Variants in CMTM8 observed in about 807,000 individuals in gnomAD.
CMTM8 encodes CKLF like MARVEL transmembrane domain containing 8, also known as CKLF-like MARVEL transmembrane domain-containing protein 8.
CMTM8 carries 12 observed loss-of-function variants against 18.6 expected under a neutral mutation model. That is an observed-to-expected ratio of 0.65 (90% CI 0.41 to 1.05). CMTM8 has a LOEUF of 1.05. Among genes scored for constraint, CMTM8 ranks in the 50% least tolerant of loss-of-function variants. The pLI is 0.00. For synonymous variants in CMTM8, 87 were observed against 90.6 expected, an observed-to-expected ratio of 0.96 and a Z score of 0.23; for missense variants, 217 against 227.2, an observed-to-expected ratio of 0.95 and a Z score of 0.29.
At chr3:32,321,326 G>A (rs1371632733) in intron 1 of CMTM8, among the ~76,000 whole-genome samples, 3 of 152,128 alleles carry the variant, frequency 2.0e-5, no homozygotes, top group Non-Finnish European at 2.9e-5. Flanking sequence ...GGGCAGGAAC[G>A]CATTCACCCG....
At position 32,353,783 on chromosome 3, in the gene CMTM8, A is replaced by AT. The variant is rs1386181699; in HGVS notation, c.148-3590_148-3589insT. On this transcript the variant is annotated intron_variant, in intron 1 of 3. Transcript: ENST00000307526. ...TCATTTCTTAATATACTTCTGTGTT[A>AT]ATTTTTTTTTTTTTTTTTTGAGACG... is the stretch of plus-strand genomic sequence containing the variant. 9.9e-3 allele frequency among the ~76,000 whole-genome samples: 1,266 copies of AT among 128,370 alleles called. 25 individuals carry two copies. Among genetic ancestry groups the AT allele is most frequent in the African/African-American group, 0.032 (1,209 of 37,350 alleles). 84.2% of individuals were successfully genotyped at this position (128,370 alleles called of 152,430 possible).
intron 1 of CMTM8, among the ~76,000 whole-genome samples, chr3:32,312,111 G>A (rs972918504): frequency 3.3e-5 from 5 of 152,196 alleles, no homozygotes; most frequent in Admixed American, 2.0e-4. Context: ...GGTATCCAGT[G>A]TATGGCATTG....
chr3:32,253,344 CTT>C (rs151296321), intron 1 of CMTM8, among the ~76,000 whole-genome samples: 8 of 132,106 alleles, frequency 6.1e-5, no homozygotes, highest in East Asian at 2.2e-4. Context: ...GTCCCTTTAT[CTT>C]TTTTTTTTTT....
At chr3:32,319,057 C>CATATATATATATATATATATAT in intron 1 of CMTM8, among the ~76,000 whole-genome samples, 1 of 45,884 alleles carries the variant, frequency 2.2e-5, no homozygotes, top group Non-Finnish European at 3.6e-5. Context: ...TGTGTATATA[C>CATATATATATATATATATATAT]ATATATATAT....
chr3:32,363,470 C>G (rs112592156), intron 2 of CMTM8, among the ~76,000 whole-genome samples: 4 of 152,262 alleles, frequency 2.6e-5, no homozygotes, highest in African/African-American at 4.8e-5. Context: ...GTCACCTGAC[C>G]ACATCTCCTT....
At chr3:32,245,159 C>T (rs1293841064) in intron 1 of CMTM8, among the ~76,000 whole-genome samples, 1 of 152,032 alleles carries the variant, frequency 6.6e-6, no homozygotes, top group Non-Finnish European at 1.5e-5. Context: ...CTTTGCAATC[C>T]CATTCCTGAG....
At chr3:32,254,749 A>C (rs1279315528) in intron 1 of CMTM8, among the ~76,000 whole-genome samples, 8 of 152,192 alleles carry the variant, frequency 5.3e-5, no homozygotes, top group African/African-American at 1.9e-4. Context: ...ATTGAGATAC[A>C]GTTTACATAC....
At chr3:32,257,064 T>A (rs1197862799) in intron 1 of CMTM8, among the ~76,000 whole-genome samples, 1 of 152,232 alleles carries the variant, frequency 6.6e-6, no homozygotes, top group Non-Finnish European at 1.5e-5. Flanking sequence ...CTCAGATCAC[T>A]GCAACCTCTG....
At chr3:32,260,124 TG>T in intron 1 of CMTM8, 1 of 1,071,138 alleles carries the variant, frequency 9.3e-7, no homozygotes, top group Non-Finnish European at 1.4e-6. Context: ...GGTGATGCCC[TG>T]GACAGCAGCA....
chr3:32,302,403 T>C (rs558009460), intron 1 of CMTM8, among the ~76,000 whole-genome samples: 3 of 152,354 alleles, frequency 2.0e-5, no homozygotes, highest in Admixed American at 2.0e-4. Context: ...TTTCTGCCTC[T>C]GTATGCTGTT....
chr3:32,341,523 A>G (rs1306628658), intron 1 of CMTM8, among the ~76,000 whole-genome samples: 1 of 152,160 alleles, frequency 6.6e-6, no homozygotes, highest in Non-Finnish European at 1.5e-5. Flanking sequence ...TTATTGATGA[A>G]GAAACTGAGG....
At chr3:32,307,035 C>T (rs139069940) in intron 1 of CMTM8, among the ~76,000 whole-genome samples, 2,720 of 151,592 alleles carry the variant, frequency 0.018, 64 homozygotes, top group African/African-American at 0.062. Context: ...GGTGAAATCC[C>T]GTCTCTACTA....
intron 1 of CMTM8, among the ~76,000 whole-genome samples, chr3:32,356,047 A>G (rs909207638): frequency 6.6e-6 from 1 of 152,126 alleles, no homozygotes. Flanking sequence ...TCCCTCCACT[A>G]GACTTTAGTG....
rs760432271 is a variant in CMTM8, at chr3:32,369,895, C to A, written c.450C>A (p.Phe150Leu). The A allele has an allele frequency of 1.2e-6, 2 of 1,608,586 alleles. No homozygotes were observed. The highest frequency in any genetic ancestry group is 4.5e-5 in the East Asian group (2 of 44,722). ...NSWAASSFFA[F>L]LVTICYAGNT... ...TTTGTTTTCTCCAGTTCTTTGCCTT[C>A]CTGGTCACCATCTGCTACGCTGGAA... is the stretch of plus-strand genomic sequence containing the variant. The change falls in exon 4 of 4, where the codon TTC becomes TTA. Residue 150 changes from phenylalanine (F) to leucine (L), a missense_variant. Coordinates refer to ENST00000307526, the MANE Select transcript of CMTM8 (RefSeq NM_178868.5).
chr3:32,336,247 G>A (rs1251230825), intron 1 of CMTM8, among the ~76,000 whole-genome samples: 1 of 152,224 alleles, frequency 6.6e-6, no homozygotes, highest in Non-Finnish European at 1.5e-5. Context: ...CCTAAAGGTA[G>A]AAGGACAGAG....
rs138000216 is a variant in CMTM8 at position 32,349,736 on chromosome 3, G to A, written c.148-7637G>A. Among the ~76,000 whole-genome samples the A allele has an allele frequency of 2.4e-3, 369 of 152,244 alleles. 5 individuals carry two copies. Among genetic ancestry groups the A allele is most frequent in the African/African-American group, 8.6e-3 (357 of 41,552 alleles). ...TAATTTTATTGGCCAGGCCAGGCCC[G>A]GTGGCTCACACCTGTAATCCCAGCA... On this transcript the variant is annotated intron_variant, in intron 1 of 3. Coordinates refer to ENST00000307526, the MANE Select transcript of CMTM8 (RefSeq NM_178868.5).
chr3:32,286,165 C>T (rs1702679158), intron 1 of CMTM8, among the ~76,000 whole-genome samples: 1 of 152,216 alleles, frequency 6.6e-6, no homozygotes, highest in Non-Finnish European at 1.5e-5. Flanking sequence ...CGGCCCACCT[C>T]TGCCACTGTA....
intron 1 of CMTM8, among the ~76,000 whole-genome samples, chr3:32,333,100 A>G (rs1696312096): frequency 6.6e-6 from 1 of 152,236 alleles, no homozygotes; most frequent in Non-Finnish European, 1.5e-5. Context: ...CTCTGTTGCA[A>G]CTACTCCACT....
intron 1 of CMTM8, among the ~76,000 whole-genome samples, chr3:32,329,215 G>A (rs981124163): frequency 6.6e-6 from 1 of 152,050 alleles, no homozygotes; most frequent in African/African-American, 2.4e-5. Flanking sequence ...ACGGGTGCCC[G>A]CCACCAAGCC....
Sources: gnomAD v4.1 joint callset for allele counts (sites outside exome capture counted in the v4.1 genomes callset) on GRCh38, gnomAD v4.1.1 for gene constraint, MANE v1.5 for transcripts, NCBI Gene and HGNC (gene_info 2026-07-23, HGNC 2026-07-21) for gene names.